Variants in NR3C2 observed in about 807,000 individuals in gnomAD.
The protein encoded by NR3C2 is nuclear receptor subfamily 3 group C member 2.
Under a neutral mutation model 86.4 loss-of-function variants are expected in NR3C2, and 15 were observed. That is an observed-to-expected ratio of 0.17 (90% CI 0.12 to 0.27). The LOEUF is 0.27. Ranked by LOEUF, NR3C2 falls within the 10% of genes least tolerant of loss-of-function variation. The probability of loss-of-function intolerance (pLI) is 1.00; values close to 1 mark genes in which losing one functional copy is unlikely to be tolerated. For synonymous variants in NR3C2, 458 were observed against 450.5 expected, an observed-to-expected ratio of 1.02 and a Z score of -0.21; for missense variants, 960 against 1,195.6, an observed-to-expected ratio of 0.80 and a Z score of 2.91.
At chr4:148,179,079 A>G (rs1470245979) in intron 4 of NR3C2, among the ~76,000 whole-genome samples, 3 of 151,766 alleles carry the variant, frequency 2.0e-5, no homozygotes, top group Non-Finnish European at 4.4e-5. Flanking sequence ...CATTATCTGC[A>G]GTGACCTGAA....
At chr4:148,260,541 A>C (rs562406185) in intron 2 of NR3C2, among the ~76,000 whole-genome samples, 5 of 152,158 alleles carry the variant, frequency 3.3e-5, no homozygotes, top group Non-Finnish European at 5.9e-5. Context: ...CACAGATCTC[A>C]ATTATGCCAA....
intron 2 of NR3C2, among the ~76,000 whole-genome samples, chr4:148,290,446 C>T (rs1741743538): frequency 6.6e-6 from 1 of 152,130 alleles, no homozygotes; most frequent in Non-Finnish European, 1.5e-5. Context: ...TCTTGAACTA[C>T]AGAAAATGTG....
chr4:148,397,432 G>C (rs1235085380), intron 2 of NR3C2, among the ~76,000 whole-genome samples: 1 of 152,176 alleles, frequency 6.6e-6, no homozygotes, highest in Non-Finnish European at 1.5e-5. Flanking sequence ...TGAGGCCTTT[G>C]GCCAGTCAGA....
At chr4:148,314,723 T>A (rs531717716) in intron 2 of NR3C2, among the ~76,000 whole-genome samples, 2 of 152,248 alleles carry the variant, frequency 1.3e-5, no homozygotes, top group South Asian at 4.1e-4. Context: ...TTCCCAATAA[T>A]CCAGAAGATT....
At chr4:148,377,963 G>A (rs929398213) in intron 2 of NR3C2, among the ~76,000 whole-genome samples, 1 of 152,164 alleles carries the variant, frequency 6.6e-6, no homozygotes, top group Non-Finnish European at 1.5e-5. Flanking sequence ...TAGTGTCAAT[G>A]CAAAGGGTTA....
intron 7 of NR3C2, among the ~76,000 whole-genome samples, chr4:148,114,963 C>T (rs1320075859): frequency 6.6e-6 from 1 of 152,134 alleles, no homozygotes; most frequent in East Asian, 1.9e-4. Flanking sequence ...GCCCATAAAG[C>T]GTCTGTACAT....
intron 2 of NR3C2, among the ~76,000 whole-genome samples, chr4:148,345,294 A>T (rs1744935371): frequency 6.6e-6 from 1 of 152,100 alleles, no homozygotes; most frequent in African/African-American, 2.4e-5. Flanking sequence ...ACACGTGCAC[A>T]TGAACATATA....
At chr4:148,131,231 T>C (rs577224768) in intron 6 of NR3C2, among the ~76,000 whole-genome samples, 121 of 152,266 alleles carry the variant, frequency 7.9e-4, no homozygotes, top group African/African-American at 2.8e-3. Context: ...AGTGTCAATC[T>C]CGCAACAGAG....
At chr4:148,265,387 T>A (rs903057921) in intron 2 of NR3C2, among the ~76,000 whole-genome samples, 2 of 152,026 alleles carry the variant, frequency 1.3e-5, no homozygotes, top group Non-Finnish European at 2.9e-5. Context: ...AGAAGCTACG[T>A]AAGAAAAAAA....
Position 148,080,403 on chromosome 4 carries a change from T to TTAAA in NR3C2, c.*937_*940dup, listed in dbSNP as rs1730489145. ...TAAAAAAGGCACAGCTTTCCCTTTCTTAAATACACTGTAAACGGTTCATTA... is the reference window on the plus strand; with the variant it reads ...TAAAAAAGGCACAGCTTTCCCTTTCTTAAATAAATACACTGTAAACGGTTCATTA... On this transcript the variant is annotated 3_prime_UTR_variant, in exon 9 of 9. Coordinates refer to ENST00000358102, the MANE Select transcript of NR3C2 (RefSeq NM_000901.5). 1 of 152,828 alleles carries TTAAA rather than the reference T, an allele frequency of 6.5e-6. No homozygotes were observed. Among genetic ancestry groups the TTAAA allele is most frequent in the Middle Eastern group, 3.4e-3 (1 of 294 alleles). 9.5% of individuals were successfully genotyped at this position (152,828 alleles called of 1,614,324 possible).
intron 2 of NR3C2, among the ~76,000 whole-genome samples, chr4:148,289,958 G>A (rs558912717): frequency 2.6e-5 from 4 of 152,238 alleles, no homozygotes; most frequent in African/African-American, 9.6e-5. Flanking sequence ...TTGAAGAAAA[G>A]GATCCTTCTG....
intron 2 of NR3C2, among the ~76,000 whole-genome samples, chr4:148,283,299 TACA>T (rs1166610142): frequency 2.0e-5 from 3 of 152,168 alleles, no homozygotes; most frequent in Non-Finnish European, 4.4e-5. Context: ...TCTTAAAAAT[TACA>T]ACATTACAAA....
chr4:148,345,194 G>A (rs1744929076), intron 2 of NR3C2, among the ~76,000 whole-genome samples: 1 of 152,046 alleles, frequency 6.6e-6, no homozygotes, highest in African/African-American at 2.4e-5. Flanking sequence ...TAATTTAAAA[G>A]TAGAAATGTG....
intron 4 of NR3C2, among the ~76,000 whole-genome samples, chr4:148,178,513 T>C (rs1735488058): frequency 1.3e-5 from 2 of 151,824 alleles, no homozygotes. Context: ...AATTAGCAGA[T>C]GCCTGTAACT....
intron 2 of NR3C2, among the ~76,000 whole-genome samples, chr4:148,373,220 G>A (rs7686433): frequency 0.12 from 18,383 of 151,950 alleles, 1,168 homozygotes; most frequent in Middle Eastern, 0.15. Flanking sequence ...CTCTCTCCCC[G>A]CCTTCTCCCA....
chr4:148,353,509 C>T (rs754390081), intron 2 of NR3C2, among the ~76,000 whole-genome samples: 4 of 151,814 alleles, frequency 2.6e-5, no homozygotes, highest in South Asian at 2.1e-4. Flanking sequence ...CATGAGATAC[C>T]GCAAATGCAA....
In NR3C2 at chr4:148,142,074, G is replaced by T. The variant is rs145494449; in HGVS notation, c.2510+10395C>A. Reference sequence around the variant, plus strand: ...TATTAGGAGCAAGGGCACAGCAGTAGAAAGACCTAGGAAAGAGAAAGGTTA... The same window carrying T: ...TATTAGGAGCAAGGGCACAGCAGTATAAAGACCTAGGAAAGAGAAAGGTTA... On this transcript the variant is annotated intron_variant, in intron 6 of 8. Transcript: ENST00000358102. 1.9e-3 allele frequency among the ~76,000 whole-genome samples: 290 copies of T among 152,330 alleles called. 1 individual carries two copies. The highest frequency in any genetic ancestry group is 6.7e-3 in the African/African-American group (279 of 41,568).
chr4:148,435,034 G>A (rs894127823), intron 2 of NR3C2, 70 bp downstream of exon 2: 1 of 1,416,116 alleles, frequency 7.1e-7, no homozygotes, highest in African/African-American at 1.4e-5. Flanking sequence ...TTTATCAACT[G>A]TAAAGATAAT....
chr4:148,196,394 T>C (rs1226677950), intron 3 of NR3C2, among the ~76,000 whole-genome samples: 1 of 152,142 alleles, frequency 6.6e-6, no homozygotes, highest in Non-Finnish European at 1.5e-5. Context: ...GCTAGAGATG[T>C]AATCAGCTTA....
Sources: gnomAD v4.1 joint callset for allele counts (sites outside exome capture counted in the v4.1 genomes callset) on GRCh38, gnomAD v4.1.1 for gene constraint, MANE v1.5 for transcripts, NCBI Gene and HGNC (gene_info 2026-07-23, HGNC 2026-07-21) for gene names.